UBE4B: variants seen among roughly 807,000 people sequenced by gnomAD.
The protein encoded by UBE4B is ubiquitination factor E4B, also known as ubiquitin conjugation factor E4 B.
UBE4B carries 27 observed loss-of-function variants against 148.1 expected under a neutral mutation model. The ratio of observed to expected loss-of-function variants is 0.18; its 90% CI spans 0.13 to 0.25. The LOEUF (loss-of-function observed/expected upper bound fraction) is 0.25. UBE4B is among the 10% of genes least tolerant of loss of function. The probability of loss-of-function intolerance (pLI) is 1.00; values close to 1 mark genes in which losing one functional copy is unlikely to be tolerated. For missense variants in UBE4B, 1,170 were observed against 1,662.4 expected (o/e 0.70, Z 5.15); for synonymous variants, 596 against 619.3 (o/e 0.96, Z 0.56).
intron 17 of UBE4B, among the ~76,000 whole-genome samples, chr1:10,142,778 C>A (rs1171877280): frequency 6.6e-6 from 1 of 152,070 alleles, no homozygotes; most frequent in African/African-American, 2.4e-5. Context: ...TTATCACCCC[C>A]CACCCCACCC....
chr1:10,168,091 T>C lies in UBE4B; in HGVS notation c.3199-45T>C. The C allele has an allele frequency of 6.3e-7, 1 of 1,581,982 alleles. No individual in the cohort carries two copies. Among genetic ancestry groups the C allele is most frequent in the Non-Finnish European group, 8.6e-7 (1 of 1,160,700 alleles). On this transcript the variant is annotated intron_variant, in intron 23 of 27. Transcript: ENST00000343090. This position sits in a 1 kb window ranked among gnomAD's most constrained non-coding sequence, Gnocchi z 4.9. ...TGTGCTTGGCGCTTTGCTGAGCTGA[T>C]GACCAGGACCGAGCCTTACTCAGCG...
At chr1:10,150,796 G>C (rs1308508282) in intron 20 of UBE4B, among the ~76,000 whole-genome samples, 2 of 147,530 alleles carry the variant, frequency 1.4e-5, no homozygotes, top group African/African-American at 2.5e-5. Flanking sequence ...GGAGGCGGAG[G>C]TTTCAGTGAG....
At chr1:10,134,173 A>G (rs1645639380) in intron 15 of UBE4B, among the ~76,000 whole-genome samples, 1 of 152,166 alleles carries the variant, frequency 6.6e-6, no homozygotes, top group South Asian at 2.1e-4. Context: ...TGTTAACAGC[A>G]GTATTACTGA....
chr1:10,142,044 A>T (rs888881767), intron 17 of UBE4B, among the ~76,000 whole-genome samples: 15 of 148,478 alleles, frequency 1.0e-4, no homozygotes, highest in East Asian at 3.9e-4. Context: ...GAAGCCTGTC[A>T]TTTTTTTTTT....
At chr1:10,052,930 G>GT (rs1441065570) in intron 1 of UBE4B, among the ~76,000 whole-genome samples, 3 of 152,150 alleles carry the variant, frequency 2.0e-5, no homozygotes. Context: ...ATAGATACCT[G>GT]TTTTCTCACT....
chr1:10,113,085 C>T (rs1645248050), intron 7 of UBE4B, among the ~76,000 whole-genome samples: 1 of 152,240 alleles, frequency 6.6e-6, no homozygotes, highest in African/African-American at 2.4e-5. Flanking sequence ...CTCATGGTAC[C>T]TCAGGCTGTT....
At chr1:10,154,342 C>A (rs1040570870) in intron 21 of UBE4B, among the ~76,000 whole-genome samples, 52 of 151,780 alleles carry the variant, frequency 3.4e-4, no homozygotes, top group African/African-American at 1.3e-3. Flanking sequence ...AGCTTGAACC[C>A]GGGAGGTGGA....
intron 24 of UBE4B, among the ~76,000 whole-genome samples, chr1:10,169,303 G>A (rs997242507): frequency 2.0e-5 from 3 of 152,148 alleles, no homozygotes; most frequent in Non-Finnish European, 4.4e-5. Flanking sequence ...GGAATATGAC[G>A]TTACTGCATA....
At chr1:10,049,546 G>C (rs1326245672) in intron 1 of UBE4B, among the ~76,000 whole-genome samples, 6 of 151,596 alleles carry the variant, frequency 4.0e-5, no homozygotes, top group Non-Finnish European at 8.8e-5. Flanking sequence ...GGAGTTTGAG[G>C]GCAGCCTGGG....
At chr1:10,073,912 T>C (rs999039247) in intron 2 of UBE4B, among the ~76,000 whole-genome samples, 4 of 151,152 alleles carry the variant, frequency 2.6e-5, no homozygotes, top group Non-Finnish European at 5.9e-5. Flanking sequence ...TCCCATTTCT[T>C]TCTTTCTATT....
intron 2 of UBE4B, among the ~76,000 whole-genome samples, chr1:10,077,414 C>T (rs1053676439): frequency 3.9e-5 from 6 of 152,158 alleles, no homozygotes; most frequent in Admixed American, 2.0e-4. Flanking sequence ...AACTTGCTTA[C>T]GTCTGCTAAG....
chr1:10,138,074 A>G (rs1381306234), intron 17 of UBE4B, among the ~76,000 whole-genome samples: 2 of 150,142 alleles, frequency 1.3e-5, no homozygotes, highest in Non-Finnish European at 3.0e-5. Context: ...AGCTGGGATT[A>G]CAGATGTGCA....
chr1:10,088,461 C>T (rs189496332), intron 2 of UBE4B, among the ~76,000 whole-genome samples: 132 of 151,806 alleles, frequency 8.7e-4, no homozygotes, highest in Middle Eastern at 3.4e-3. Flanking sequence ...CTGCAACTTC[C>T]GCCTCCCGGG....
rs1295680438 is a variant in UBE4B at position 10,095,490 on chromosome 1, G to A, written c.241G>A (p.Gly81Arg). ...GVAHRSQSSEGVSSLSSSPSN... is the reference protein window; with the variant it reads ...GVAHRSQSSERVSSLSSSPSN... ...AGCCCATCGAAGCCAGAGCAGTGAA[G>A]GAGTCAGTTCTCTCAGCAGCTCGCC... The change falls in exon 3 of 28, where the codon GGA becomes AGA. Residue 81 changes from glycine to arginine, a missense_variant. Physicochemically the swap from Gly to Arg is moderately radical, Grantham distance 125 (BLOSUM62 -2). Around this residue, in one of 6 missense-constraint regions of UBE4B, gnomAD observed 127 missense variants for 153.2 expected, o/e 0.83. Transcript: ENST00000343090. 2 of 1,614,044 alleles carry A rather than the reference G, an allele frequency of 1.2e-6. No individual in the cohort carries two copies. Among genetic ancestry groups the A allele is most frequent in the Non-Finnish European group, 1.7e-6 (2 of 1,180,040 alleles).
chr1:10,129,931 C>T (rs1479383299), intron 12 of UBE4B, among the ~76,000 whole-genome samples: 1 of 151,892 alleles, frequency 6.6e-6, no homozygotes, highest in Non-Finnish European at 1.5e-5. Flanking sequence ...GGGTTACAGG[C>T]GTGAGCCACC....
chr1:10,074,557 G>A (rs1167273043), intron 2 of UBE4B, among the ~76,000 whole-genome samples: 1 of 152,076 alleles, frequency 6.6e-6, no homozygotes, highest in Non-Finnish European at 1.5e-5. Context: ...TCAGGCGAGG[G>A]TTCCCGTGGT....
chr1:10,158,419 G>A lies in UBE4B; in HGVS notation c.2990G>A (p.Ser997Asn). 6.2e-7 allele frequency: 1 copy of A among 1,614,144 alleles called. No homozygotes were observed. The highest frequency in any genetic ancestry group is 8.5e-7 in the Non-Finnish European group (1 of 1,180,020). ...YDKFTIRYHI[S>N]TIFKSLWQNI... Reference sequence around the variant, plus strand: ...AAGTTCACAATTCGCTATCATATTAGCACCATTTTTAAAAGCCTTTGGCAA... The same window carrying A: ...AAGTTCACAATTCGCTATCATATTAACACCATTTTTAAAAGCCTTTGGCAA... Residue 997 changes from serine (S) to asparagine (N), a missense_variant, in exon 22 of 28, where the codon AGC becomes AAC. By Grantham distance (46) the Ser-to-Asn change is conservative (BLOSUM62 1). This residue lies in a region of UBE4B where 348 missense variants were observed against 627.2 expected (regional missense o/e 0.55). Coordinates refer to ENST00000343090, the MANE Select transcript of UBE4B (RefSeq NM_001105562.3).
rs201127396 is a variant in UBE4B, at chr1:10,130,457, G to C, written c.1696-43G>C. On this transcript the variant is annotated intron_variant, in intron 12 of 27. Coordinates refer to ENST00000343090, the MANE Select transcript of UBE4B (RefSeq NM_001105562.3). ...GTTTTCATTACATTTTTACCCCACC[G>C]GCCTGTTCAGCGGCTTGACTGGCTC... is the stretch of plus-strand genomic sequence containing the variant. The C allele has an allele frequency of 4.6e-6, 7 of 1,511,058 alleles. No individual in the cohort carries two copies. The South Asian group carries it at 7.9e-5, about 17-fold the overall frequency. The allele number at this position is 1,511,058 out of a possible 1,614,324, so 93.6% of individuals were successfully genotyped here. A position where few individuals can be genotyped will look rare whatever the true frequency, so the allele number is the denominator to read the frequency against.
At chr1:10,095,257 T>C (rs1280722371) in intron 2 of UBE4B, among the ~76,000 whole-genome samples, 4 of 152,232 alleles carry the variant, frequency 2.6e-5, no homozygotes, top group Non-Finnish European at 4.4e-5. Flanking sequence ...ATATGAAGTA[T>C]ATTGATAACT....
Sources: allele counts gnomAD v4.1 joint callset (sites outside exome capture counted in the v4.1 genomes callset), GRCh38; gene constraint gnomAD v4.1.1; regional missense constraint gnomAD v4.1.1; non-coding constraint Gnocchi (gnomAD v3.1); transcripts MANE v1.5; gene names NCBI Gene and HGNC (gene_info 2026-07-23, HGNC 2026-07-21).